ZNF462: variants seen among roughly 807,000 people sequenced by gnomAD.
The protein encoded by ZNF462 is zinc finger PBX1-interacting protein.
A neutral mutation model predicts 201.9 loss-of-function variants in ZNF462; 10 were observed. The ratio of observed to expected loss-of-function variants is 0.05; its 90% CI spans 0.03 to 0.08. ZNF462 has a LOEUF of 0.08. Ranked by LOEUF, ZNF462 falls within the 10% of genes least tolerant of loss-of-function variation. The probability of loss-of-function intolerance (pLI) is 1.00; values close to 1 mark genes in which losing one functional copy is unlikely to be tolerated. For missense variants in ZNF462, 2,523 were observed against 3,168.3 expected, an observed-to-expected ratio of 0.80 and a Z score of 4.89; for synonymous variants, 1,227 against 1,193.3, an observed-to-expected ratio of 1.03 and a Z score of -0.58.
Position 106,866,447 on chromosome 9 carries a change from T to C in ZNF462, c.-31+3092T>C, listed in dbSNP as rs1442310908. On this transcript the variant is annotated intron_variant, in intron 1 of 12. Coordinates refer to ENST00000277225, the MANE Select transcript of ZNF462 (RefSeq NM_021224.6). ...AGGGTTATTGTTCTTCTGAGGGGTG[T>C]GAAAGGAGAGGGGAAATACATGGTT... Among the ~76,000 whole-genome samples the C allele has an allele frequency of 3.9e-5, 6 of 152,146 alleles. No individual in the cohort carries two copies. The East Asian group carries it at 1.2e-3, about 29-fold the overall frequency.
At chr9:106,982,927 A>G (rs7049113) in intron 9 of ZNF462, among the ~76,000 whole-genome samples, 29,185 of 152,158 alleles carry the variant, frequency 0.19, 3,781 homozygotes, top group African/African-American at 0.37. Flanking sequence ...CCCTGGAAAC[A>G]TTGCTATTCA....
intron 1 of ZNF462, among the ~76,000 whole-genome samples, chr9:106,891,330 G>A (rs763664374): frequency 1.6e-4 from 25 of 152,064 alleles, no homozygotes; most frequent in Non-Finnish European, 3.2e-4. Context: ...TCATGTCTGC[G>A]TTTTCTTTGT....
chr9:106,864,066 C>CTCTG (rs1827192484), intron 1 of ZNF462, among the ~76,000 whole-genome samples: 6 of 113,030 alleles, frequency 5.3e-5, no homozygotes, highest in Admixed American at 1.8e-4. Context: ...CTCTCTCTCT[C>CTCTG]TCTCTCTCTC....
In ZNF462 at chr9:106,929,546, C is replaced by T. The variant is rs1830341768; in HGVS notation, c.5634C>T (p.Phe1878=). 3.1e-6 allele frequency: 5 copies of T among 1,614,056 alleles called. No homozygotes were observed. Among genetic ancestry groups the T allele is most frequent in the Non-Finnish European group, 3.4e-6 (4 of 1,180,052 alleles). Residue 1878 remains phenylalanine, a synonymous_variant, in exon 3 of 13, where the codon TTC becomes TTT. Transcript: ENST00000277225. The surrounding 1 kb of genome is among the most constrained non-coding windows in gnomAD (Gnocchi z 8.7). ...DHHSRDLKRD[F]IILGNGPRLQ... is the part of the protein sequence containing the mutation. Reference sequence around the variant, plus strand: ...ACAGTCGGGACCTAAAGAGGGACTTCATCATTCTGGGCAACGGCCCCCGCT... The same window carrying T: ...ACAGTCGGGACCTAAAGAGGGACTTTATCATTCTGGGCAACGGCCCCCGCT...
intron 7 of ZNF462, among the ~76,000 whole-genome samples, chr9:106,939,798 T>A (rs1457586416): frequency 6.6e-6 from 1 of 152,126 alleles, no homozygotes; most frequent in African/African-American, 2.4e-5. Flanking sequence ...AGCAAAGGGA[T>A]AGTTTATTGT....
chr9:106,951,356 A>G (rs935916776), intron 7 of ZNF462, among the ~76,000 whole-genome samples: 1 of 152,206 alleles, frequency 6.6e-6, no homozygotes, highest in African/African-American at 2.4e-5. Context: ...CAAGAGCAGA[A>G]TAAGAGTTGG....
At chr9:106,861,529 C>T (rs1283917115), upstream of ZNF462, among the ~76,000 whole-genome samples, 1 of 152,238 alleles carries the variant, frequency 6.6e-6, no homozygotes, top group Non-Finnish European at 1.5e-5. Context: ...TAATTAAGGT[C>T]TCTTTCTGCC....
rs1332584829 is a variant in ZNF462 at position 106,910,367 on chromosome 9, T to A, written c.-30-12987T>A. Among the ~76,000 whole-genome samples the A allele has an allele frequency of 4.8e-5, 7 of 146,004 alleles. No individual in the cohort carries two copies. The South Asian group carries it at 1.3e-3, about 26-fold the overall frequency. On this transcript the variant is annotated intron_variant, in intron 1 of 12. Coordinates refer to ENST00000277225, the MANE Select transcript of ZNF462 (RefSeq NM_021224.6). The stretch of plus-strand genomic sequence containing the variant: ...GTCCTCCACCCCTTGTTTTAGTTTT[T>A]TTTTTTTTTTTTTTTTTTTAATAAC...
At chr9:106,881,534 T>C (rs1012354619) in intron 1 of ZNF462, among the ~76,000 whole-genome samples, 2 of 152,238 alleles carry the variant, frequency 1.3e-5, no homozygotes, top group African/African-American at 4.8e-5. Flanking sequence ...GAGCTTGACA[T>C]ATAGTAGACA....
At chr9:106,873,990 A>G (rs1332463841) in intron 1 of ZNF462, among the ~76,000 whole-genome samples, 2 of 152,164 alleles carry the variant, frequency 1.3e-5, no homozygotes, top group Non-Finnish European at 2.9e-5. Flanking sequence ...GGATAAACAC[A>G]TGTCCTGTTT....
At chr9:107,002,934 A>G (rs3764523) in intron 10 of ZNF462, among the ~76,000 whole-genome samples, 42,330 of 152,124 alleles carry the variant, frequency 0.28, 10,404 homozygotes, top group African/African-American at 0.67. Flanking sequence ...GGGTTGTTAT[A>G]AGAGTTACAC....
At chr9:106,908,931 A>G (rs1313740024) in intron 1 of ZNF462, among the ~76,000 whole-genome samples, 1 of 33,242 alleles carries the variant, frequency 3.0e-5, no homozygotes, top group Non-Finnish European at 5.0e-5. Context: ...ATATATATAT[A>G]TATATATATA....
chr9:106,987,387 T>A (rs1827933377), intron 10 of ZNF462, among the ~76,000 whole-genome samples: 1 of 152,238 alleles, frequency 6.6e-6, no homozygotes, highest in African/African-American at 2.4e-5. Flanking sequence ...TATTGCATTG[T>A]GGTTTCGATT....
chr9:106,878,394 A>C (rs1397606487), intron 1 of ZNF462, among the ~76,000 whole-genome samples: 1 of 152,208 alleles, frequency 6.6e-6, no homozygotes, highest in African/African-American at 2.4e-5. Flanking sequence ...CTGGTTTTGC[A>C]TGCTTAGTTA....
rs1007537850 is a variant in ZNF462, at chr9:106,998,483, A to G, written c.7057-4811A>G. Among the ~76,000 whole-genome samples the G allele has an allele frequency of 2.0e-5, 3 of 152,338 alleles. 1 individual carries two copies. ...GTATGGAAATACATGCTAAGACCAG[A>G]TCTAAACCATTTTGCTGAATAGTTA... On this transcript the variant is annotated intron_variant, in intron 10 of 12. Coordinates refer to ENST00000277225, the MANE Select transcript of ZNF462 (RefSeq NM_021224.6).
chr9:106,938,421 A>G lies in ZNF462; in HGVS notation c.6236-495A>G, dbSNP rs1235504844. ...GAATGTGTATAGTTAGCAAGGAAGT[A>G]CAGAATAGAATAGCACAACAGAGCT... On this transcript the variant is annotated intron_variant, in intron 6 of 12. Transcript: ENST00000277225. The surrounding 1 kb of genome is among the most constrained non-coding windows in gnomAD (Gnocchi z 4.4). Among the ~76,000 whole-genome samples the G allele has an allele frequency of 6.6e-6, 1 of 152,242 alleles. No individual in the cohort carries two copies. The highest frequency in any genetic ancestry group is 1.9e-4 in the East Asian group (1 of 5,204).
At chr9:106,878,318 A>G (rs1166796855) in intron 1 of ZNF462, among the ~76,000 whole-genome samples, 6 of 152,190 alleles carry the variant, frequency 3.9e-5, no homozygotes, top group Non-Finnish European at 5.9e-5. Flanking sequence ...TTCATTTGCA[A>G]TGATCAATTA....
chr9:106,987,014 TAG>T (rs1827895784), intron 10 of ZNF462, among the ~76,000 whole-genome samples: 2 of 152,008 alleles, frequency 1.3e-5, no homozygotes, highest in Non-Finnish European at 2.9e-5. Flanking sequence ...GATAGATAGA[TAG>T]ATAGATAGAT....
intron 5 of ZNF462, among the ~76,000 whole-genome samples, chr9:106,934,684 A>C (rs1358474680): frequency 6.6e-6 from 1 of 152,226 alleles, no homozygotes; most frequent in Non-Finnish European, 1.5e-5. Context: ...GGTAAGCAGT[A>C]CCGTTCCCAC....
Sources: gnomAD v4.1 joint callset for allele counts (sites outside exome capture counted in the v4.1 genomes callset) on GRCh38, gnomAD v4.1.1 for gene constraint, Gnocchi (gnomAD v3.1) non-coding constraint, MANE v1.5 for transcripts, NCBI Gene and HGNC (gene_info 2026-07-23, HGNC 2026-07-21) for gene names.